PDZRN4: variants seen among roughly 807,000 people sequenced by gnomAD.
PDZRN4 encodes PDZ domain containing ring finger 4.
PDZRN4 carries 70 observed loss-of-function variants against 99.0 expected under a neutral mutation model. The ratio of observed to expected loss-of-function variants is 0.71; its 90% CI spans 0.58 to 0.86. The LOEUF (loss-of-function observed/expected upper bound fraction) is 0.86. Ranked by LOEUF, PDZRN4 falls within the 40% of genes least tolerant of loss-of-function variation. The probability of loss-of-function intolerance (pLI) is 0.00; values close to 1 mark genes in which losing one functional copy is unlikely to be tolerated. For missense variants in PDZRN4, 1,474 were observed against 1,331.2 expected (o/e 1.11, Z -1.67); for synonymous variants, 551 against 501.6 (o/e 1.10, Z -1.32).
intron 3 of PDZRN4, among the ~76,000 whole-genome samples, chr12:41,259,530 G>A (rs1164141118): frequency 1.3e-5 from 2 of 152,110 alleles, no homozygotes; most frequent in Non-Finnish European, 1.5e-5. Flanking sequence ...ATTAGACTGA[G>A]GGTTGGATCT....
chr12:41,540,743 G>T (rs1938836836), intron 5 of PDZRN4, among the ~76,000 whole-genome samples: 1 of 152,026 alleles, frequency 6.6e-6, no homozygotes, highest in African/African-American at 2.4e-5. Context: ...AGTAAATATA[G>T]CCTCTCTATT....
intron 5 of PDZRN4, among the ~76,000 whole-genome samples, chr12:41,548,257 T>C (rs1938991916): frequency 6.6e-6 from 1 of 152,232 alleles, no homozygotes; most frequent in Non-Finnish European, 1.5e-5. Flanking sequence ...ATAATGATAC[T>C]GAAGCAATAT....
At chr12:41,518,854 T>A (rs1022334418) in intron 5 of PDZRN4, among the ~76,000 whole-genome samples, 5 of 151,910 alleles carry the variant, frequency 3.3e-5, no homozygotes, top group Non-Finnish European at 4.4e-5. Flanking sequence ...GAGACTGAGG[T>A]GGGAGGATTA....
At chr12:41,493,170 G>C (rs545452593) in intron 3 of PDZRN4, among the ~76,000 whole-genome samples, 2 of 152,238 alleles carry the variant, frequency 1.3e-5, no homozygotes, top group Admixed American at 1.3e-4. Context: ...AGTTATCTCT[G>C]CAGTGTTTCA....
At chr12:41,557,065 C>T (rs1395423566) in intron 7 of PDZRN4, among the ~76,000 whole-genome samples, 1 of 148,412 alleles carries the variant, frequency 6.7e-6, no homozygotes, top group African/African-American at 2.5e-5. Context: ...GCAGGAGAAT[C>T]GCTTGAACCC....
chr12:41,190,121 A>T (rs1165519039), intron 1 of PDZRN4, among the ~76,000 whole-genome samples: 2 of 152,028 alleles, frequency 1.3e-5, no homozygotes, highest in African/African-American at 4.8e-5. Flanking sequence ...ATTCTTCAGC[A>T]CTCCCGGGGA....
intron 3 of PDZRN4, among the ~76,000 whole-genome samples, chr12:41,280,736 C>A (rs1300530932): frequency 6.6e-6 from 1 of 152,100 alleles, no homozygotes; most frequent in Non-Finnish European, 1.5e-5. Flanking sequence ...GATAAAACTC[C>A]CATCTCCCTG....
At chr12:41,250,398 G>A (rs959420231) in intron 3 of PDZRN4, among the ~76,000 whole-genome samples, 1 of 151,990 alleles carries the variant, frequency 6.6e-6, no homozygotes, top group Non-Finnish European at 1.5e-5. Flanking sequence ...TAATATGAGG[G>A]AACTTCAAAT....
chr12:41,433,083 G>A (rs1436844153), intron 3 of PDZRN4, among the ~76,000 whole-genome samples: 1 of 152,198 alleles, frequency 6.6e-6, no homozygotes, highest in Non-Finnish European at 1.5e-5. Flanking sequence ...ATATTTAGCT[G>A]TGACATTCAA....
At chr12:41,201,288 C>G (rs1481923745) in intron 3 of PDZRN4, among the ~76,000 whole-genome samples, 1 of 151,944 alleles carries the variant, frequency 6.6e-6, no homozygotes, top group Non-Finnish European at 1.5e-5. Context: ...CCTTCTGTAG[C>G]TGACAAACTC....
intron 3 of PDZRN4, among the ~76,000 whole-genome samples, chr12:41,282,831 CA>C (rs966878336): frequency 6.6e-6 from 1 of 152,084 alleles, no homozygotes; most frequent in Non-Finnish European, 1.5e-5. Flanking sequence ...CCAATGAGAT[CA>C]AAGACACAAT....
chr12:41,496,362 C>A (rs1346612176), intron 3 of PDZRN4, among the ~76,000 whole-genome samples: 1 of 152,082 alleles, frequency 6.6e-6, no homozygotes, highest in East Asian at 1.9e-4. Context: ...TGTGCCGGCT[C>A]CCCTAGCTTT....
At chr12:41,396,739 T>G (rs1723425645) in intron 3 of PDZRN4, among the ~76,000 whole-genome samples, 1 of 152,200 alleles carries the variant, frequency 6.6e-6, no homozygotes, top group Non-Finnish European at 1.5e-5. Flanking sequence ...CTGTTTTCAT[T>G]GTCTATTTGT....
At chr12:41,450,732 G>C (rs1010644058) in intron 3 of PDZRN4, among the ~76,000 whole-genome samples, 1 of 152,034 alleles carries the variant, frequency 6.6e-6, no homozygotes, top group Admixed American at 6.6e-5. Flanking sequence ...AACCAGCCTG[G>C]CCAACATAGT....
intron 3 of PDZRN4, among the ~76,000 whole-genome samples, chr12:41,237,830 T>C (rs1447341633): frequency 1.3e-5 from 2 of 152,156 alleles, no homozygotes; most frequent in African/African-American, 4.8e-5. Flanking sequence ...TGTCTATGTG[T>C]CTGTTTTTGT....
At chr12:41,519,841 A>G (rs2468310) in intron 5 of PDZRN4, among the ~76,000 whole-genome samples, 86,863 of 151,836 alleles carry the variant, frequency 0.57, 26,618 homozygotes, top group African/African-American at 0.81. Context: ...CTTAAATTGT[A>G]GTTTTCTGGC....
At position 41,402,164 on chromosome 12, in the gene PDZRN4, A is replaced by G. The variant is rs12307386; in HGVS notation, c.844-104292A>G. ...ATACACACACTGAGTATATATATAT[A>G]TATACACACTGAGTATATATATATA... On this transcript the variant is annotated intron_variant, in intron 3 of 9. Coordinates refer to ENST00000402685, the MANE Select transcript of PDZRN4 (RefSeq NM_001164595.2). Among the ~76,000 whole-genome samples the G allele has an allele frequency of 2.7e-3, 295 of 109,388 alleles. 17 individuals carry two copies. Among genetic ancestry groups the G allele is most frequent in the African/African-American group, 5.6e-3 (144 of 25,738 alleles). 71.8% of individuals were successfully genotyped at this position (109,388 alleles called of 152,430 possible). A position where few individuals can be genotyped will look rare whatever the true frequency, so the allele number is the denominator to read the frequency against.
chr12:41,231,243 G>A (rs768650218), intron 3 of PDZRN4, among the ~76,000 whole-genome samples: 4 of 152,020 alleles, frequency 2.6e-5, no homozygotes, highest in African/African-American at 9.7e-5. Flanking sequence ...GCCATTCCGG[G>A]TTTTATAAAT....
rs1232667917 is a variant in PDZRN4, at chr12:41,188,351, T to TGCC, written c.-96_-94dup. 1.7e-6 allele frequency: 2 copies of TGCC among 1,146,264 alleles called. No individual in the cohort carries two copies. Among genetic ancestry groups the TGCC allele is most frequent in the East Asian group, 2.8e-5 (1 of 36,278 alleles). The allele number at this position is 1,146,264 out of a possible 1,614,324, so 71.0% of individuals were successfully genotyped here. ...CCTCCCACCCGCCACCTCCCTCCAC[T>TGCC]GCCGCCGCCGCGAGACGGCTGCCCC... On this transcript the variant is annotated 5_prime_UTR_variant, in exon 1 of 10. Transcript: ENST00000402685.
Sources: gnomAD v4.1 joint callset for allele counts (sites outside exome capture counted in the v4.1 genomes callset) on GRCh38, gnomAD v4.1.1 for gene constraint, MANE v1.5 for transcripts, NCBI Gene and HGNC (gene_info 2026-07-23, HGNC 2026-07-21) for gene names.